SYT16: variants seen among roughly 807,000 people sequenced by gnomAD.
SYT16 encodes synaptotagmin 16.
SYT16 carries 42 observed loss-of-function variants against 61.4 expected under a neutral mutation model. The observed-to-expected ratio is 0.68, with a 90% CI of 0.53 to 0.89. The LOEUF (loss-of-function observed/expected upper bound fraction) is 0.89. Among genes scored for constraint, SYT16 ranks in the 40% least tolerant of loss-of-function variants. SYT16 has a pLI of 0.00. For synonymous variants in SYT16, 314 were observed against 302.3 expected (o/e 1.04, Z -0.40); for missense variants, 804 against 807.3 (o/e 1.00, Z 0.05).
rs192787272 is a variant in SYT16 at position 62,070,275 on chromosome 14, G to A, written c.736+460G>A. On this transcript the variant is annotated intron_variant, in intron 4 of 7. Coordinates refer to ENST00000683842, the MANE Select transcript of SYT16 (RefSeq NM_001367656.1). Reference sequence around the variant, plus strand: ...TTGAAGCCTTTCTTCTAATTAGTTTGCATTACGAAATCAATGGGTATTTTT... The same window carrying A: ...TTGAAGCCTTTCTTCTAATTAGTTTACATTACGAAATCAATGGGTATTTTT... Among the ~76,000 whole-genome samples the A allele has an allele frequency of 2.1e-3, 321 of 152,238 alleles. 1 individual carries two copies. Among genetic ancestry groups the A allele is most frequent in the African/African-American group, 7.4e-3 (306 of 41,542 alleles).
At chr14:62,092,372 A>C (rs549880390) in intron 7 of SYT16, among the ~76,000 whole-genome samples, 1 of 152,114 alleles carries the variant, frequency 6.6e-6, no homozygotes, top group South Asian at 2.1e-4. Flanking sequence ...CAGCAAATCC[A>C]TTTGTGGGTA....
rs544274143 is a variant in SYT16 at position 61,991,945 on chromosome 14, T to TGTTC, written c.-144-3926_-144-3923dup. On this transcript the variant is annotated intron_variant, in intron 2 of 7. Coordinates refer to ENST00000683842, the MANE Select transcript of SYT16 (RefSeq NM_001367656.1). ...CTTTAAATGTTTTCACTAATAACTT[T>TGTTC]GTTCGTTCATTCATTCATTCATTCA... 2.9e-3 allele frequency among the ~76,000 whole-genome samples: 358 copies of TGTTC among 124,212 alleles called. 1 individual carries two copies. The highest frequency in any genetic ancestry group is 5.3e-3 in the African/African-American group (168 of 31,416). 81.5% of individuals were successfully genotyped at this position (124,212 alleles called of 152,430 possible).
At chr14:61,880,936 T>C (rs1321180414) in intron 1 of SYT16, among the ~76,000 whole-genome samples, 1 of 152,132 alleles carries the variant, frequency 6.6e-6, no homozygotes, top group Non-Finnish European at 1.5e-5. Context: ...GATTGACATG[T>C]AGCATACATA....
chr14:62,093,171 TAGA>T (rs1246433187), intron 7 of SYT16, among the ~76,000 whole-genome samples: 3 of 152,034 alleles, frequency 2.0e-5, no homozygotes, highest in Non-Finnish European at 4.4e-5. Context: ...GATTTAAAAA[TAGA>T]AGAGAGTAGA....
intron 1 of SYT16, among the ~76,000 whole-genome samples, chr14:61,839,593 T>C (rs776732455): frequency 2.0e-5 from 3 of 152,150 alleles, no homozygotes; most frequent in Non-Finnish European, 2.9e-5. Flanking sequence ...CAGTGAGAAC[T>C]GCACCAGTAC....
intron 1 of SYT16, among the ~76,000 whole-genome samples, chr14:61,825,131 G>C (rs1054532072): frequency 6.6e-6 from 1 of 152,186 alleles, no homozygotes; most frequent in Non-Finnish European, 1.5e-5. Flanking sequence ...CTTGAAAAAT[G>C]AAGTGTGATC....
chr14:62,028,799 T>C (rs1326714340), intron 3 of SYT16, among the ~76,000 whole-genome samples: 3 of 152,148 alleles, frequency 2.0e-5, no homozygotes, highest in South Asian at 2.1e-4. Context: ...CTATTTTTAA[T>C]TGAGTTTAAA....
intron 3 of SYT16, among the ~76,000 whole-genome samples, chr14:62,041,139 G>A (rs978522056): frequency 1.3e-5 from 2 of 152,136 alleles, no homozygotes; most frequent in African/African-American, 4.8e-5. Flanking sequence ...GCCTTTTCAT[G>A]TTCTTCTGCC....
intron 1 of SYT16, among the ~76,000 whole-genome samples, chr14:61,966,264 C>A (rs1409344368): frequency 1.3e-5 from 2 of 151,794 alleles, no homozygotes; most frequent in African/African-American, 4.8e-5. Context: ...TACCTTCAAT[C>A]TGTGAATGTT....
intron 6 of SYT16, among the ~76,000 whole-genome samples, chr14:62,081,604 A>G (rs1043724582): frequency 6.6e-6 from 1 of 152,226 alleles, no homozygotes; most frequent in Admixed American, 6.5e-5. Context: ...CCCAATCTGC[A>G]TCATGATGAA....
chr14:61,949,759 C>G (rs1000679973), intron 1 of SYT16, among the ~76,000 whole-genome samples: 13 of 152,300 alleles, frequency 8.5e-5, no homozygotes, highest in Admixed American at 7.2e-4. Context: ...TGAATGATCT[C>G]GGTTAACCCA....
At chr14:61,929,489 C>T (rs2049676293) in intron 1 of SYT16, among the ~76,000 whole-genome samples, 1 of 152,194 alleles carries the variant, frequency 6.6e-6, no homozygotes, top group African/African-American at 2.4e-5. Context: ...ACCCCGCTGC[C>T]TCTTTCTGGA....
intron 3 of SYT16, among the ~76,000 whole-genome samples, chr14:62,028,019 T>C (rs1169371440): frequency 6.6e-6 from 1 of 152,206 alleles, no homozygotes; most frequent in Non-Finnish European, 1.5e-5. Context: ...ATTACCCTTA[T>C]CCTTCTTATC....
chr14:62,101,125 A>C lies in SYT16; in HGVS notation c.*418A>C, dbSNP rs945956337. Reference sequence around the variant, plus strand: ...AATCAGAATTTTCTTAATATGGTACAAAAAACTCCAAAATATAGATATGAA... The same window carrying C: ...AATCAGAATTTTCTTAATATGGTACCAAAAACTCCAAAATATAGATATGAA... On this transcript the variant is annotated 3_prime_UTR_variant, in exon 8 of 8. Coordinates refer to ENST00000683842, the MANE Select transcript of SYT16 (RefSeq NM_001367656.1). 1 of 156,834 alleles carries C rather than the reference A, an allele frequency of 6.4e-6. No homozygotes were observed. The highest frequency in any genetic ancestry group is 2.4e-5 in the African/African-American group (1 of 41,522). The allele number at this position is 156,834 out of a possible 1,614,324, so 9.7% of individuals were successfully genotyped here.
At chr14:61,902,335 T>G (rs1386523273) in intron 1 of SYT16, among the ~76,000 whole-genome samples, 1 of 152,234 alleles carries the variant, frequency 6.6e-6, no homozygotes, top group African/African-American at 2.4e-5. Context: ...ACTTCTCCCA[T>G]GCGCCTGATA....
chr14:62,090,229 A>C (rs1212229259), intron 7 of SYT16, among the ~76,000 whole-genome samples: 1 of 152,188 alleles, frequency 6.6e-6, no homozygotes. Context: ...ATTGTCAAAA[A>C]CTATCATTAA....
intron 1 of SYT16, among the ~76,000 whole-genome samples, chr14:61,926,769 G>A (rs1038306889): frequency 1.1e-4 from 17 of 152,052 alleles, no homozygotes; most frequent in South Asian, 4.2e-4. Context: ...ACACAATTTC[G>A]TTTGTGTGGC....
chr14:62,047,002 T>C (rs2055021911), intron 3 of SYT16, among the ~76,000 whole-genome samples: 1 of 152,222 alleles, frequency 6.6e-6, no homozygotes, highest in Admixed American at 6.5e-5. Flanking sequence ...AAGTCATTGG[T>C]AGCTTGATGG....
intron 2 of SYT16, among the ~76,000 whole-genome samples, chr14:61,973,396 C>T (rs2250839): frequency 0.31 from 47,049 of 151,924 alleles, 7,875 homozygotes; most frequent in African/African-American, 0.4. Flanking sequence ...TATTGCCAAG[C>T]ATTTTACATG....
Sources: gnomAD v4.1 joint callset for allele counts (sites outside exome capture counted in the v4.1 genomes callset) on GRCh38, gnomAD v4.1.1 for gene constraint, MANE v1.5 for transcripts, NCBI Gene and HGNC (gene_info 2026-07-23, HGNC 2026-07-21) for gene names.